Variants in ATL2 observed in about 807,000 individuals in gnomAD.
ATL2 encodes the protein atlastin GTPase 2.
A neutral mutation model predicts 73.9 loss-of-function variants in ATL2; 31 were observed. The observed-to-expected ratio is 0.42, with a 90% confidence interval of 0.32 to 0.57. ATL2 has a LOEUF of 0.57. Among genes scored for constraint, ATL2 ranks in the 20% least tolerant of loss-of-function variants. ATL2 has a pLI of 0.14. For synonymous variants in ATL2, 291 were observed against 237.5 expected, an observed-to-expected ratio of 1.23 and a Z score of -2.07; for missense variants, 738 against 702.6, an observed-to-expected ratio of 1.05 and a Z score of -0.57.
Position 38,375,815 on chromosome 2 carries a change from T to A in ATL2, c.118+1328A>T, listed in dbSNP as rs137884025. Reference sequence around the variant, plus strand: ...TTTTTATTCTACAGAGTGCTACCACTGTACAAACAGTCAAGCGTTTTGGTT... The same window carrying A: ...TTTTTATTCTACAGAGTGCTACCACAGTACAAACAGTCAAGCGTTTTGGTT... On this transcript the variant is annotated intron_variant, in intron 1 of 12. Coordinates refer to ENST00000378954, the MANE Select transcript of ATL2 (RefSeq NM_001135673.4). 4.5e-3 allele frequency among the ~76,000 whole-genome samples: 680 copies of A among 152,368 alleles called. 8 individuals are homozygous for A. Among genetic ancestry groups the A allele is most frequent in the African/African-American group, 0.016 (645 of 41,592 alleles).
intron 2 of ATL2, among the ~76,000 whole-genome samples, chr2:38,327,829 A>G (rs1251630887): frequency 6.6e-6 from 1 of 152,070 alleles, no homozygotes; most frequent in Non-Finnish European, 1.5e-5. Flanking sequence ...CCAGCTACTG[A>G]GGAGGCTAAG....
At position 38,295,797 on chromosome 2, in the gene ATL2, T is replaced by C. The variant is rs186031772; in HGVS notation, c.*197A>G. 3.3e-3 allele frequency: 1,535 copies of C among 470,248 alleles called. 55 individuals carry two copies. The Admixed American group carries it at 0.051, about 16-fold the overall frequency. 29.1% of individuals were successfully genotyped at this position (470,248 alleles called of 1,614,324 possible). ...ATTAACCAATGCTCCTCAGTCCATC[T>C]GCATGTCTTAGGAGCCATTAAAAGA... On this transcript the variant is annotated 3_prime_UTR_variant, in exon 13 of 13. Coordinates refer to ENST00000378954, the MANE Select transcript of ATL2 (RefSeq NM_001135673.4).
At chr2:38,360,065 G>C (rs1055676119) in intron 1 of ATL2, among the ~76,000 whole-genome samples, 1 of 150,652 alleles carries the variant, frequency 6.6e-6, no homozygotes, top group Non-Finnish European at 1.5e-5. Flanking sequence ...GGGAGGTAGA[G>C]GTTGCAGTGA....
chr2:38,318,584 T>C lies in ATL2; in HGVS notation c.554A>G (p.Lys185Arg). 1 of 1,612,898 alleles carries C rather than the reference T, an allele frequency of 6.2e-7. No individual in the cohort carries two copies. The highest frequency in any genetic ancestry group is 8.5e-7 in the Non-Finnish European group (1 of 1,179,740). ...CAGAGCAAACACCGTTGCACAGTCTTTGATAGTTGACTGGCTATCAAAGGC... is the reference window on the plus strand; with the variant it reads ...CAGAGCAAACACCGTTGCACAGTCTCTGATAGTTGACTGGCTATCAAAGGC... ...QGAFDSQSTI[K>R]DCATVFALST... Residue 185 changes from lysine to arginine, a missense_variant, in exon 4 of 13, where the codon AAA becomes AGA. Transcript: ENST00000378954.
intron 1 of ATL2, among the ~76,000 whole-genome samples, chr2:38,349,754 T>C (rs1573547692): frequency 6.6e-6 from 1 of 152,132 alleles, no homozygotes; most frequent in Non-Finnish European, 1.5e-5. Context: ...CCTATATTAG[T>C]TGGCCAGTCA....
intron 2 of ATL2, 139 bp downstream of exon 2, chr2:38,343,129 C>G (rs1210083376): frequency 1.3e-6 from 1 of 750,788 alleles, no homozygotes; most frequent in East Asian, 4.2e-5. Flanking sequence ...TCCTGGGTAA[C>G]AGAGTGAGAC....
chr2:38,334,891 AATATATAT>A (rs1198232358), intron 2 of ATL2, among the ~76,000 whole-genome samples: 1 of 28,484 alleles, frequency 3.5e-5, no homozygotes, highest in Non-Finnish European at 1.1e-4. Context: ...TATAATATAT[AATATATAT>A]TATTTATAAT....
chr2:38,370,150 CAAAAAAAA>C (rs962952444), intron 1 of ATL2, among the ~76,000 whole-genome samples: 2 of 43,922 alleles, frequency 4.6e-5, no homozygotes, highest in Middle Eastern at 0.013. Context: ...GAGACTCCGT[CAAAAAAAA>C]AAAAAAAAAA....
At position 38,377,223 on chromosome 2, in the gene ATL2, G is replaced by C; in HGVS notation, c.38C>G (p.Pro13Arg). The change falls in exon 1 of 13, where the codon CCG becomes CGG. Residue 13 changes from proline to arginine, a missense_variant. Pro to Arg is a moderately radical substitution (Grantham distance 103, BLOSUM62 -2). Coordinates refer to ENST00000378954, the MANE Select transcript of ATL2 (RefSeq NM_001135673.4). ...EGDEAARGQQPHQGLWRRRRT... is the reference protein window; with the variant it reads ...EGDEAARGQQRHQGLWRRRRT... ...TCGCCGGCGCCACAGCCCCTGGTGC[G>C]GTTGCTGCCCTCGCGCTGCCTCGTC... 4.4e-6 allele frequency: 7 copies of C among 1,606,048 alleles called. No individual in the cohort carries two copies. The highest frequency in any genetic ancestry group is 5.9e-6 in the Non-Finnish European group (7 of 1,177,134).
At chr2:38,341,384 C>T (rs986033132) in intron 2 of ATL2, among the ~76,000 whole-genome samples, 5 of 152,160 alleles carry the variant, frequency 3.3e-5, no homozygotes, top group African/African-American at 1.2e-4. Flanking sequence ...TACCTGTAAT[C>T]CCAACACGTT....
intron 11 of ATL2, 115 bp from the exon 12 acceptor site, chr2:38,298,690 T>C: frequency 1.9e-6 from 2 of 1,048,112 alleles, no homozygotes; most frequent in African/African-American, 1.6e-5. Context: ...TGAGTCAGTT[T>C]TAAACTCACT....
intron 2 of ATL2, among the ~76,000 whole-genome samples, chr2:38,333,538 A>G (rs1669124091): frequency 6.6e-6 from 1 of 152,228 alleles, no homozygotes; most frequent in Non-Finnish European, 1.5e-5. Context: ...TTCAATAAAT[A>G]GCCTAAATAA....
intron 7 of ATL2, among the ~76,000 whole-genome samples, chr2:38,310,876 C>A (rs1432942936): frequency 6.6e-6 from 1 of 152,046 alleles, no homozygotes; most frequent in Non-Finnish European, 1.5e-5. Flanking sequence ...ATCCACCCGC[C>A]TCGGCCTCCC....
chr2:38,357,386 C>T (rs932000616), intron 1 of ATL2, among the ~76,000 whole-genome samples: 1 of 150,730 alleles, frequency 6.6e-6, no homozygotes, highest in African/African-American at 2.4e-5. Flanking sequence ...GTTTAATATA[C>T]TTATGATTTA....
chr2:38,344,157 C>A (rs917318141), intron 1 of ATL2, among the ~76,000 whole-genome samples: 5 of 151,980 alleles, frequency 3.3e-5, no homozygotes, highest in Admixed American at 2.6e-4. Flanking sequence ...TGTTTCTGAG[C>A]CCTGTATTAT....
At chr2:38,365,717 T>C (rs1297920645) in intron 1 of ATL2, among the ~76,000 whole-genome samples, 1 of 152,072 alleles carries the variant, frequency 6.6e-6, no homozygotes. Context: ...GAGAATCACT[T>C]GAACCCTGGA....
rs763024600 is a variant in ATL2 at position 38,364,131 on chromosome 2, G to A, written c.118+13012C>T. On this transcript the variant is annotated intron_variant, in intron 1 of 12. Coordinates refer to ENST00000378954, the MANE Select transcript of ATL2 (RefSeq NM_001135673.4). Reference sequence around the variant, plus strand: ...ACAAAAATTACCCGGGCGTGGTGGCGGATGCCTGTAATACCAGCTACTCAG... The same window carrying A: ...ACAAAAATTACCCGGGCGTGGTGGCAGATGCCTGTAATACCAGCTACTCAG... Among the ~76,000 whole-genome samples, 74 of 152,220 alleles carry A rather than the reference G, an allele frequency of 4.9e-4. 1 individual carries two copies. Among genetic ancestry groups the A allele is most frequent in the Non-Finnish European group, 9.4e-4 (64 of 68,014 alleles).
intron 2 of ATL2, among the ~76,000 whole-genome samples, chr2:38,336,160 A>G (rs1458953949): frequency 6.6e-6 from 1 of 152,238 alleles, no homozygotes; most frequent in Non-Finnish European, 1.5e-5. Context: ...CACATTTCCC[A>G]TGAAATCTCA....
chr2:38,354,247 C>T lies in ATL2; in HGVS notation c.119-10735G>A, dbSNP rs369209450. ...CATTACATGAGAGCTATATAATGTT[C>T]TTCAGGCTGAAATGAAACATTATCA... is the stretch of plus-strand genomic sequence containing the variant. On this transcript the variant is annotated intron_variant, in intron 1 of 12. Transcript: ENST00000378954. The T allele has an allele frequency of 2.0e-4, 68 of 334,708 alleles. 1 individual carries two copies. Among genetic ancestry groups the T allele is most frequent in the African/African-American group, 1.5e-3 (66 of 42,698 alleles). The allele number at this position is 334,708 out of a possible 1,614,324, so 20.7% of individuals were successfully genotyped here. A position where few individuals can be genotyped will look rare whatever the true frequency, so the allele number is the denominator to read the frequency against.
Sources: allele counts gnomAD v4.1 joint callset (sites outside exome capture counted in the v4.1 genomes callset), GRCh38; gene constraint gnomAD v4.1.1; transcripts MANE v1.5; gene names NCBI Gene and HGNC (gene_info 2026-07-23, HGNC 2026-07-21).